GNG12: variants seen among roughly 807,000 people sequenced by gnomAD.
The protein encoded by GNG12 is guanine nucleotide-binding protein G(I)/G(S)/G(O) subunit gamma-12.
For missense variants in GNG12, 69 were observed against 83.8 expected (o/e 0.82, Z 0.69); for synonymous variants, 28 against 29.7 (o/e 0.94, Z 0.19).
chr1:67,825,979 G>A (rs1647008407), intron 1 of GNG12, among the ~76,000 whole-genome samples: 2 of 152,214 alleles, frequency 1.3e-5, no homozygotes, highest in South Asian at 4.1e-4. Flanking sequence ...ACCACTGAAT[G>A]TTTGTTTCCT....
chr1:67,743,835 A>G (rs2100716305), intron 2 of GNG12, among the ~76,000 whole-genome samples: 1 of 152,322 alleles, frequency 6.6e-6, no homozygotes, highest in East Asian at 1.9e-4. Flanking sequence ...TTACAAGGAT[A>G]TTGGTCTTTA....
At chr1:67,828,894 G>A (rs779220604) in intron 1 of GNG12, among the ~76,000 whole-genome samples, 17 of 152,160 alleles carry the variant, frequency 1.1e-4, no homozygotes, top group East Asian at 1.9e-4. Flanking sequence ...ACATTTAACC[G>A]AAGGACATTC....
At chr1:67,821,211 A>G (rs1005334168) in intron 1 of GNG12, among the ~76,000 whole-genome samples, 3 of 152,232 alleles carry the variant, frequency 2.0e-5, no homozygotes, top group Non-Finnish European at 2.9e-5. Flanking sequence ...ACTTTGCATT[A>G]TGCAATTAAG....
chr1:67,707,954 G>A (rs938721232), intron 2 of GNG12, among the ~76,000 whole-genome samples: 2 of 152,124 alleles, frequency 1.3e-5, no homozygotes, highest in African/African-American at 2.4e-5. Context: ...CAGTTTAATC[G>A]ATGCACCCCA....
chr1:67,824,509 C>CA (rs35736017), intron 1 of GNG12, among the ~76,000 whole-genome samples: 28,107 of 93,784 alleles, frequency 0.3, 4,425 homozygotes, highest in Admixed American at 0.37. Context: ...GATCCTGTCT[C>CA]AAAAAAAAAA....
chr1:67,802,505 C>G (rs1452912358), intron 1 of GNG12, among the ~76,000 whole-genome samples: 1 of 152,342 alleles, frequency 6.6e-6, no homozygotes, highest in Non-Finnish European at 1.5e-5. Flanking sequence ...TCTGCTCTCA[C>G]TGCCTCTTTC....
intron 1 of GNG12, among the ~76,000 whole-genome samples, chr1:67,807,067 G>A (rs1938437): frequency 0.33 from 49,850 of 151,872 alleles, 8,424 homozygotes; most frequent in Middle Eastern, 0.5. Context: ...AATTTAAAAG[G>A]ATATAAACCA....
At chr1:67,719,547 A>G (rs1306331026) in intron 2 of GNG12, among the ~76,000 whole-genome samples, 2 of 152,318 alleles carry the variant, frequency 1.3e-5, no homozygotes, top group African/African-American at 4.8e-5. Context: ...ATTTATTTCA[A>G]TGGTTAATTG....
At chr1:67,776,367 C>T (rs1453716923) in intron 2 of GNG12, among the ~76,000 whole-genome samples, 1 of 152,148 alleles carries the variant, frequency 6.6e-6, no homozygotes, top group Admixed American at 6.5e-5. Context: ...ACATTTCTTC[C>T]CCTCCCTGTA....
At chr1:67,796,196 T>C (rs1318412988) in intron 1 of GNG12, among the ~76,000 whole-genome samples, 2 of 152,238 alleles carry the variant, frequency 1.3e-5, no homozygotes, top group African/African-American at 4.8e-5. Flanking sequence ...TTTGGATTCA[T>C]TTATTTGTCA....
intron 1 of GNG12, among the ~76,000 whole-genome samples, chr1:67,792,354 T>A (rs1178614760): frequency 2.0e-5 from 3 of 152,238 alleles, no homozygotes; most frequent in African/African-American, 4.8e-5. Context: ...AAATATTTTA[T>A]TGAACTTGAT....
chr1:67,816,455 C>T (rs768607008), intron 1 of GNG12, among the ~76,000 whole-genome samples: 8 of 152,210 alleles, frequency 5.3e-5, no homozygotes, highest in Non-Finnish European at 1.0e-4. Flanking sequence ...CAAGCCCCTG[C>T]CTTCATCTGG....
At chr1:67,741,457 C>T (rs903034390) in intron 2 of GNG12, among the ~76,000 whole-genome samples, 62 of 152,216 alleles carry the variant, frequency 4.1e-4, no homozygotes, top group African/African-American at 1.4e-3. Flanking sequence ...CACCAGCTAC[C>T]AGTGCTATTA....
chr1:67,731,115 TC>T (rs1007804040), intron 2 of GNG12, among the ~76,000 whole-genome samples: 9 of 152,074 alleles, frequency 5.9e-5, no homozygotes, highest in Non-Finnish European at 1.2e-4. Context: ...TTTTATTTTT[TC>T]CCCCCAGAAA....
intron 2 of GNG12, among the ~76,000 whole-genome samples, chr1:67,710,530 C>T (rs1038885136): frequency 4.6e-5 from 7 of 151,988 alleles, no homozygotes; most frequent in East Asian, 3.9e-4. Context: ...TGCTCCCACC[C>T]GGCATGGCCA....
intron 1 of GNG12, among the ~76,000 whole-genome samples, chr1:67,799,359 G>T (rs1039316310): frequency 1.3e-5 from 2 of 152,168 alleles, no homozygotes; most frequent in African/African-American, 4.8e-5. Flanking sequence ...CCAGGGAACT[G>T]CTCTTCTTCA....
At chr1:67,710,461 T>A (rs1165740672) in intron 2 of GNG12, among the ~76,000 whole-genome samples, 2 of 151,806 alleles carry the variant, frequency 1.3e-5, no homozygotes, top group Admixed American at 1.3e-4. Flanking sequence ...TTCCAAGGCC[T>A]GAGCAAGTTT....
At chr1:67,707,906 C>A (rs531876641) in intron 2 of GNG12, among the ~76,000 whole-genome samples, 194 bp from the exon 3 acceptor site, 2 of 152,266 alleles carry the variant, frequency 1.3e-5, no homozygotes, top group Admixed American at 1.3e-4. Flanking sequence ...CATTTGAGCA[C>A]CTACATAAAT....
chr1:67,779,760 T>C (rs1012296272), intron 1 of GNG12, among the ~76,000 whole-genome samples: 2 of 152,136 alleles, frequency 1.3e-5, no homozygotes, highest in Non-Finnish European at 2.9e-5. Flanking sequence ...GGATGCGTTC[T>C]GAGAAATGAA....
Sources: allele counts gnomAD v4.1 joint callset (sites outside exome capture counted in the v4.1 genomes callset), GRCh38; gene constraint gnomAD v4.1.1; transcripts MANE v1.5; gene names NCBI Gene and HGNC (gene_info 2026-07-23, HGNC 2026-07-21).